The following TNS1 variants were observed in gnomAD, a reference collection of about 807,000 sequenced individuals.
TNS1 encodes the protein tensin-1.
TNS1 carries 62 observed loss-of-function variants against 168.6 expected under a neutral mutation model. The observed-to-expected ratio is 0.37, with a 90% CI of 0.30 to 0.45. TNS1 has a LOEUF of 0.45. TNS1 is among the 20% of genes least tolerant of loss of function. The probability of loss-of-function intolerance (pLI) is 1.00; values close to 1 mark genes in which losing one functional copy is unlikely to be tolerated. For missense variants in TNS1, 2,240 were observed against 2,339.4 expected (o/e 0.96, Z 0.88); for synonymous variants, 934 against 933.2 (o/e 1.00, Z -0.02).
At chr2:218,004,365 G>C (rs529906416), upstream of TNS1, among the ~76,000 whole-genome samples, 4 of 151,012 alleles carry the variant, frequency 2.6e-5, no homozygotes, top group Non-Finnish European at 4.5e-5. Flanking sequence ...CAGATCCCCT[G>C]CCTCCCCCCC....
rs757540031 is a variant in TNS1, at chr2:218,002,827, CA to C, written c.33+12del. 2.2e-6 allele frequency: 1 copy of C among 456,776 alleles called. No individual in the cohort carries two copies. Among genetic ancestry groups the C allele is most frequent in the South Asian group, 1.5e-5 (1 of 64,570 alleles). 28.3% of individuals were successfully genotyped at this position (456,776 alleles called of 1,614,324 possible). A position where few individuals can be genotyped will look rare whatever the true frequency, so the allele number is the denominator to read the frequency against. Reference sequence around the variant, plus strand: ...AGGAAGAGTAACGTCGCAGCTAAAGCAGCCAGACCTACCCAGAGCATGCAGG... The same window carrying C: ...AGGAAGAGTAACGTCGCAGCTAAAGCGCCAGACCTACCCAGAGCATGCAGG... On this transcript the variant is annotated intron_variant, in intron 1 of 32. Transcript: ENST00000682258.
At chr2:217,999,946 T>C (rs796427893) in intron 1 of TNS1, among the ~76,000 whole-genome samples, 2 of 152,332 alleles carry the variant, frequency 1.3e-5, no homozygotes, top group African/African-American at 4.8e-5. Context: ...CCCCAGCCCC[T>C]GCCTGGTGGC....
intron 18 of TNS1, among the ~76,000 whole-genome samples, chr2:217,871,509 T>C (rs919432905): frequency 6.6e-6 from 1 of 152,248 alleles, no homozygotes; most frequent in African/African-American, 2.4e-5. Context: ...CCCTGAGTTA[T>C]CTGGGACCAC....
intron 19 of TNS1, 125 bp from the exon 20 acceptor site, chr2:217,836,336 T>C: frequency 6.6e-6 from 6 of 914,480 alleles, no homozygotes; most frequent in Non-Finnish European, 9.6e-6. Context: ...TCGCCTGTCA[T>C]CCCCCATTGT....
intron 2 of TNS1, among the ~76,000 whole-genome samples, chr2:217,982,400 CTTT>C (rs59697675): frequency 5.4e-4 from 74 of 136,046 alleles, no homozygotes; most frequent in African/African-American, 1.8e-3. Flanking sequence ...TTCTTCTTTT[CTTT>C]TTTTTTTTTT....
At chr2:217,857,264 T>G (rs924005468) in intron 18 of TNS1, among the ~76,000 whole-genome samples, 12 of 152,182 alleles carry the variant, frequency 7.9e-5, no homozygotes, top group Non-Finnish European at 1.3e-4. Context: ...CTGAAGGGCC[T>G]TAGGGGAGTA....
chr2:217,964,787 T>C (rs527743542), intron 3 of TNS1, among the ~76,000 whole-genome samples: 2 of 152,278 alleles, frequency 1.3e-5, no homozygotes, highest in African/African-American at 4.8e-5. Context: ...CTCGCTTGGG[T>C]GCGCCGGGCC....
At chr2:218,003,595 G>A (rs1028542694), upstream of TNS1, among the ~76,000 whole-genome samples, 2 of 152,158 alleles carry the variant, frequency 1.3e-5, no homozygotes, top group African/African-American at 4.8e-5. Context: ...CCCCCAGGCT[G>A]TGGGTTTCAT....
intron 1 of TNS1, among the ~76,000 whole-genome samples, chr2:218,015,614 G>A (rs555733427): frequency 1.3e-5 from 2 of 152,122 alleles, no homozygotes; most frequent in Non-Finnish European, 2.9e-5. Context: ...GACCCTCGCA[G>A]CTCATTATTC....
At chr2:217,855,075 C>G (rs538559342) in intron 18 of TNS1, among the ~76,000 whole-genome samples, 1 of 152,270 alleles carries the variant, frequency 6.6e-6, no homozygotes, top group Non-Finnish European at 1.5e-5. Flanking sequence ...GCACTCTCTA[C>G]TTTTCCTCTC....
intron 3 of TNS1, among the ~76,000 whole-genome samples, chr2:217,959,775 G>A (rs886647299): frequency 5.3e-5 from 8 of 151,974 alleles, no homozygotes; most frequent in Admixed American, 2.0e-4. Flanking sequence ...AGCTGGGTGG[G>A]CATTAGCCGG....
chr2:217,941,250 T>A (rs180972638), intron 3 of TNS1, among the ~76,000 whole-genome samples: 95 of 152,284 alleles, frequency 6.2e-4, no homozygotes, highest in Non-Finnish European at 4.4e-5. Context: ...CCACCCCCGG[T>A]CCTTGCACAC....
intron 22 of TNS1, among the ~76,000 whole-genome samples, chr2:217,828,503 C>T (rs530110162): frequency 6.6e-6 from 1 of 152,344 alleles, no homozygotes; most frequent in East Asian, 1.9e-4. Flanking sequence ...GATCACAGCA[C>T]CCATCTTGCC....
At chr2:217,960,768 A>T (rs1171766939) in intron 3 of TNS1, among the ~76,000 whole-genome samples, 1 of 151,748 alleles carries the variant, frequency 6.6e-6, no homozygotes, top group Non-Finnish European at 1.5e-5. Context: ...CCAGAGGACA[A>T]CCCCTCCTTA....
chr2:217,831,640 G>T, intron 21 of TNS1, 93 bp from the exon 22 acceptor site: 6 of 1,049,406 alleles, frequency 5.7e-6, no homozygotes, highest in Non-Finnish European at 7.7e-6. Flanking sequence ...AGTGAGGGCT[G>T]GGGGGCTGGA....
At chr2:217,951,324 C>T (rs370626758) in intron 3 of TNS1, among the ~76,000 whole-genome samples, 4 of 152,214 alleles carry the variant, frequency 2.6e-5, no homozygotes, top group Non-Finnish European at 4.4e-5. Context: ...CCCAGAATTA[C>T]GATTCATCTC....
chr2:217,849,773 C>A (rs16858371), intron 18 of TNS1: 1 of 985,068 alleles, frequency 1.0e-6, no homozygotes, highest in Non-Finnish European at 1.2e-6. Flanking sequence ...TCAGCATGGA[C>A]GGCCAGTCGC....
intron 18 of TNS1, chr2:217,879,538 C>A: frequency 2.6e-6 from 1 of 385,402 alleles, no homozygotes; most frequent in Admixed American, 3.4e-5. Context: ...GGGTTGGGAA[C>A]TGAGGCAGGT....
chr2:217,818,434 C>A lies in TNS1; in HGVS notation c.3898G>T (p.Gly1300Cys). 3.1e-6 allele frequency: 5 copies of A among 1,614,044 alleles called. No individual in the cohort carries two copies. In the South Asian group the frequency reaches 5.5e-5, roughly 18 times the overall value. ...GTNTPPSPGF[G>C]WRAINPSMAA... Reference sequence around the variant, plus strand: ...ATGCTGGGATTGATGGCCCGCCAGCCGAAGCCAGGACTAGGGGGAGTGTTG... The same window carrying A: ...ATGCTGGGATTGATGGCCCGCCAGCAGAAGCCAGGACTAGGGGGAGTGTTG... The change falls in exon 24 of 33, where the codon GGC becomes TGC. Residue 1300 changes from glycine (G) to cysteine (C), a missense_variant. Gly to Cys is a radical substitution (Grantham distance 159). Transcript: ENST00000682258.
Sources: allele counts gnomAD v4.1 joint callset (sites outside exome capture counted in the v4.1 genomes callset), GRCh38; gene constraint gnomAD v4.1.1; transcripts MANE v1.5; gene names NCBI Gene and HGNC (gene_info 2026-07-23, HGNC 2026-07-21).